The following RNFT2 variants were observed in gnomAD, a reference collection of about 807,000 sequenced individuals.
The protein encoded by RNFT2 is ring finger protein, transmembrane 2, also known as E3 ubiquitin-protein ligase RNFT2.
In RNFT2, 36 loss-of-function variants were observed where a neutral mutation model predicts 53.0. The ratio of observed to expected loss-of-function variants is 0.68; its 90% CI spans 0.52 to 0.90. RNFT2 has a LOEUF of 0.90. Ranked by LOEUF, RNFT2 falls within the 40% of genes least tolerant of loss-of-function variation. The pLI, the probability that RNFT2 is intolerant of heterozygous loss-of-function variation, is 0.00. For missense variants in RNFT2, 514 were observed against 585.6 expected, an observed-to-expected ratio of 0.88 and a Z score of 1.26; for synonymous variants, 260 against 253.2, an observed-to-expected ratio of 1.03 and a Z score of -0.26.
intron 7 of RNFT2, among the ~76,000 whole-genome samples, chr12:116,824,671 T>C (rs886099900): frequency 2.0e-5 from 3 of 152,194 alleles, no homozygotes; most frequent in Admixed American, 1.3e-4. Flanking sequence ...ATTGTGTTCA[T>C]GGTGAAGACC....
At chr12:116,778,214 G>C (rs1246542548) in intron 6 of RNFT2, among the ~76,000 whole-genome samples, 1 of 152,062 alleles carries the variant, frequency 6.6e-6, no homozygotes, top group African/African-American at 2.4e-5. Flanking sequence ...TTATGGTTGG[G>C]TTTGTCCCCA....
chr12:116,786,855 G>C (rs898082857), intron 7 of RNFT2, among the ~76,000 whole-genome samples: 2 of 152,100 alleles, frequency 1.3e-5, no homozygotes, highest in Non-Finnish European at 2.9e-5. Flanking sequence ...TTGCCTCTTC[G>C]GGCTTCTGGT....
chr12:116,761,497 T>C (rs535230251), intron 5 of RNFT2, among the ~76,000 whole-genome samples: 11 of 152,324 alleles, frequency 7.2e-5, no homozygotes, highest in Non-Finnish European at 1.5e-4. Context: ...ATTCCTCTTA[T>C]GCTGCTGGGT....
At chr12:116,755,985 A>C (rs1460754886) in intron 5 of RNFT2, 4 of 706,490 alleles carry the variant, frequency 5.7e-6, no homozygotes, top group Non-Finnish European at 1.0e-5. Context: ...GTATAGGTTG[A>C]AATCAGGTAG....
chr12:116,795,216 G>A (rs893562704), intron 7 of RNFT2, among the ~76,000 whole-genome samples: 4 of 152,016 alleles, frequency 2.6e-5, no homozygotes, highest in Non-Finnish European at 5.9e-5. Context: ...CACCAGCCTG[G>A]CCAACATGGC....
intron 5 of RNFT2, among the ~76,000 whole-genome samples, chr12:116,761,974 T>A (rs1023870374): frequency 2.0e-5 from 3 of 147,220 alleles, no homozygotes; most frequent in Non-Finnish European, 4.5e-5. Flanking sequence ...GGCTGAGGCA[T>A]GAGAATCATT....
At chr12:116,785,278 G>C (rs1592956897) in intron 7 of RNFT2, among the ~76,000 whole-genome samples, 1 of 12,844 alleles carries the variant, frequency 7.8e-5, no homozygotes, top group East Asian at 2.4e-3. Context: ...TGTGTGTGGC[G>C]GGGGGGGGTT....
Position 116,766,832 on chromosome 12 carries a change from G to T in RNFT2, c.646G>T (p.Val216Phe), listed in dbSNP as rs1465856130. The change falls in exon 6 of 11, where the codon GTC becomes TTC. Residue 216 changes from valine (V) to phenylalanine (F), a missense_variant. Coordinates refer to ENST00000257575, the MANE Select transcript of RNFT2 (RefSeq NM_001382266.1). ...VSLKEKRSVL[V>F]ILWILAFLAG... ...TCTTCAGGAGAAGAGGTCAGTGCTG[G>T]TCATCTTGTGGATCCTGGCCTTTCT... 6.3e-7 allele frequency: 1 copy of T among 1,596,404 alleles called. No homozygotes were observed. The highest frequency in any genetic ancestry group is 1.7e-5 in the Admixed American group (1 of 57,298).
intron 1 of RNFT2, among the ~76,000 whole-genome samples, chr12:116,738,918 A>G (rs80294669): frequency 0.015 from 2,237 of 152,302 alleles, 22 homozygotes; most frequent in African/African-American, 0.02. Flanking sequence ...TTAAGTTGAG[A>G]TTGCAAATTC....
At chr12:116,775,572 C>T (rs1873397775) in intron 6 of RNFT2, among the ~76,000 whole-genome samples, 1 of 152,224 alleles carries the variant, frequency 6.6e-6, no homozygotes, top group African/African-American at 2.4e-5. Flanking sequence ...AGTCATGTCA[C>T]CTCTCTGAGC....
chr12:116,837,478 G>C (rs991779998), intron 10 of RNFT2, among the ~76,000 whole-genome samples: 12 of 152,178 alleles, frequency 7.9e-5, no homozygotes, highest in African/African-American at 2.7e-4. Context: ...AGGCTTACGG[G>C]TAGGGGGATA....
intron 7 of RNFT2, among the ~76,000 whole-genome samples, chr12:116,825,028 C>A (rs1250638385): frequency 1.3e-5 from 2 of 152,202 alleles, no homozygotes; most frequent in African/African-American, 2.4e-5. Context: ...TGTCTCTCCT[C>A]CCCATGATAT....
intron 7 of RNFT2, among the ~76,000 whole-genome samples, chr12:116,820,239 C>T (rs901072907): frequency 9.9e-5 from 15 of 152,006 alleles, no homozygotes; most frequent in African/African-American, 1.5e-4. Context: ...TACAGGCGTG[C>T]GCCATCATGC....
Position 116,777,032 on chromosome 12 carries a change from C to T in RNFT2, c.729-2163C>T, listed in dbSNP as rs529111916. On this transcript the variant is annotated intron_variant, in intron 6 of 10. Transcript: ENST00000257575. ...TCCTAGGTTCAAGTGATTCTCCTGC[C>T]TCAGCCTTCCGAGTCGCTAAGACTA... 1.4e-4 allele frequency among the ~76,000 whole-genome samples: 21 copies of T among 151,036 alleles called. 2 individuals are homozygous for T. The highest frequency in any genetic ancestry group is 1.3e-3 in the Admixed American group (19 of 14,978).
At position 116,781,927 on chromosome 12, in the gene RNFT2, A is replaced by G. The variant is rs563948895; in HGVS notation, c.882+2579A>G. On this transcript the variant is annotated intron_variant, in intron 7 of 10. Coordinates refer to ENST00000257575, the MANE Select transcript of RNFT2 (RefSeq NM_001382266.1). Reference sequence around the variant, plus strand: ...CCCCGTCTCTACTAAAAATACAAAAAAATTAGCTGGGCGTGGCAGCATGCG... The same window carrying G: ...CCCCGTCTCTACTAAAAATACAAAAGAATTAGCTGGGCGTGGCAGCATGCG... Among the ~76,000 whole-genome samples the G allele has an allele frequency of 4.7e-4, 72 of 151,836 alleles. 1 individual carries two copies. Among genetic ancestry groups the G allele is most frequent in the African/African-American group, 1.6e-3 (67 of 41,400 alleles).
At chr12:116,807,172 CTG>C (rs980660710) in intron 7 of RNFT2, among the ~76,000 whole-genome samples, 4 of 152,112 alleles carry the variant, frequency 2.6e-5, no homozygotes, top group African/African-American at 9.7e-5. Context: ...CTAGCAATCT[CTG>C]TACCGGGGTG....
intron 7 of RNFT2, among the ~76,000 whole-genome samples, chr12:116,823,790 T>A (rs1876183751): frequency 6.6e-6 from 1 of 152,232 alleles, no homozygotes; most frequent in Non-Finnish European, 1.5e-5. Context: ...GTGCTGCAGC[T>A]AACATTTATT....
chr12:116,799,635 T>A (rs774265052), intron 7 of RNFT2, among the ~76,000 whole-genome samples: 15 of 152,188 alleles, frequency 9.9e-5, no homozygotes, highest in Admixed American at 2.0e-4. Flanking sequence ...TTATCAAGGA[T>A]TTTTTAAAGG....
chr12:116,750,921 A>C (rs1872223622), intron 4 of RNFT2, among the ~76,000 whole-genome samples: 1 of 110,926 alleles, frequency 9.0e-6, no homozygotes, highest in Non-Finnish European at 1.8e-5. Flanking sequence ...TTTTTTTGAG[A>C]CAGGGTCTTG....
Sources: allele counts gnomAD v4.1 joint callset (sites outside exome capture counted in the v4.1 genomes callset), GRCh38; gene constraint gnomAD v4.1.1; transcripts MANE v1.5; gene names NCBI Gene and HGNC (gene_info 2026-07-23, HGNC 2026-07-21).